Variants in COPS3 observed in about 807,000 individuals in gnomAD.
COPS3 encodes COP9 signalosome subunit 3, also known as COP9 signalosome complex subunit 3.
Under a neutral mutation model 58.2 loss-of-function variants are expected in COPS3, and 10 were observed. That is an observed-to-expected ratio of 0.17 (90% CI 0.11 to 0.29). The LOEUF (loss-of-function observed/expected upper bound fraction) is 0.29. Ranked by LOEUF, COPS3 falls within the 10% of genes least tolerant of loss-of-function variation. The probability of loss-of-function intolerance (pLI) is 1.00; values close to 1 mark genes in which losing one functional copy is unlikely to be tolerated. For missense variants in COPS3, 333 were observed against 510.1 expected (o/e 0.65, Z 3.34); for synonymous variants, 187 against 181.7 (o/e 1.03, Z -0.24).
chr17:17,270,853 G>A, intron 3 of COPS3, 43 bp downstream of exon 3: 1 of 1,604,790 alleles, frequency 6.2e-7, no homozygotes, highest in Non-Finnish European at 8.5e-7. Context: ...TAACCACAAG[G>A]GCAAAATATT....
chr17:17,250,504 G>A (rs899206785), intron 9 of COPS3, among the ~76,000 whole-genome samples: 4 of 151,934 alleles, frequency 2.6e-5, no homozygotes, highest in Non-Finnish European at 4.4e-5. Context: ...AGCCTAACAC[G>A]TTTTCTTTTC....
At chr17:17,247,200 G>T in intron 11 of COPS3, 49 bp from the exon 12 acceptor site, 1 of 1,571,740 alleles carries the variant, frequency 6.4e-7, no homozygotes, top group African/African-American at 1.3e-5. Context: ...TTTATCAAGG[G>T]TTCCCCGGCA....
rs1011946174 is a variant in COPS3, at chr17:17,280,910, AG to A, written c.55+221del. 1.1e-5 allele frequency: 10 copies of A among 899,382 alleles called. No homozygotes were observed. The African/African-American group carries it at 1.5e-4, about 14-fold the overall frequency. The allele number at this position is 899,382 out of a possible 1,614,324, so 55.7% of individuals were successfully genotyped here. On this transcript the variant is annotated intron_variant, in intron 1 of 11. Coordinates refer to ENST00000268717, the MANE Select transcript of COPS3 (RefSeq NM_003653.4). ...GGGGGAGGGGGCTCCCGGCGGCCCG[AG>A]GGAGGGGAGGCCGGCCGGCGAGGAC...
chr17:17,259,602 G>C (rs1454397076), intron 8 of COPS3, among the ~76,000 whole-genome samples: 2 of 152,134 alleles, frequency 1.3e-5, no homozygotes, highest in Non-Finnish European at 2.9e-5. Context: ...TTCACATAAG[G>C]TGTTCTCATT....
At chr17:17,267,635 CA>C (rs553294077) in intron 5 of COPS3, among the ~76,000 whole-genome samples, 239 of 107,138 alleles carry the variant, frequency 2.2e-3, no homozygotes, top group African/African-American at 3.7e-3. Flanking sequence ...GAGACTGTCT[CA>C]AAAAAAAAAA....
chr17:17,262,674 G>A (rs1384244914), intron 6 of COPS3, among the ~76,000 whole-genome samples: 1 of 151,950 alleles, frequency 6.6e-6, no homozygotes, highest in Non-Finnish European at 1.5e-5. Context: ...AGCTTGCAGT[G>A]AGCTGAGATT....
intron 1 of COPS3, among the ~76,000 whole-genome samples, 194 bp downstream of exon 1, chr17:17,280,938 G>T (rs2048571062): frequency 6.6e-6 from 1 of 152,198 alleles, no homozygotes; most frequent in Non-Finnish European, 1.5e-5. Flanking sequence ...GGCGAGGACA[G>T]CGGAGCGCGA....
chr17:17,266,576 A>T (rs2048226228), intron 5 of COPS3, among the ~76,000 whole-genome samples: 1 of 151,964 alleles, frequency 6.6e-6, no homozygotes, highest in African/African-American at 2.4e-5. Context: ...AGGTGGGCGG[A>T]TCGCTTGAAG....
intron 2 of COPS3, among the ~76,000 whole-genome samples, chr17:17,271,851 TATATATAC>T (rs1289896253): frequency 2.8e-5 from 4 of 142,964 alleles, no homozygotes; most frequent in Admixed American, 7.1e-5. Flanking sequence ...TATATATATA[TATATATAC>T]ACACATACAC....
At chr17:17,255,069 A>C (rs2047937628) in intron 8 of COPS3, 124 bp from the exon 9 acceptor site, 1 of 622,268 alleles carries the variant, frequency 1.6e-6, no homozygotes, top group Admixed American at 2.6e-5. Flanking sequence ...TGGGAGGCTG[A>C]GGTGGGCAGA....
chr17:17,254,775 ACTCCAGC>A, intron 9 of COPS3, 77 bp downstream of exon 9: 1 of 809,036 alleles, frequency 1.2e-6, no homozygotes, highest in South Asian at 1.7e-5. Flanking sequence ...GTGCCACTAC[ACTCCAGC>A]CTGGTGACAG....
chr17:17,261,782 G>C, intron 7 of COPS3, 184 bp downstream of exon 7: 1 of 542,118 alleles, frequency 1.8e-6, no homozygotes, highest in East Asian at 3.2e-5. Flanking sequence ...ACGGGTTCCT[G>C]AGAAATATTC....
chr17:17,264,739 A>AT (rs111722797), intron 6 of COPS3, 63 bp downstream of exon 6: 211,905 of 1,452,150 alleles, frequency 0.15, 16,333 homozygotes, highest in South Asian at 0.23. Flanking sequence ...CCACAAACCT[A>AT]TGGGAGCACT....
intron 1 of COPS3, among the ~76,000 whole-genome samples, chr17:17,276,960 G>T (rs749418262): frequency 6.6e-6 from 1 of 152,080 alleles, no homozygotes; most frequent in Non-Finnish European, 1.5e-5. Flanking sequence ...AAGTGCAAAC[G>T]CCTCAGCCTG....
chr17:17,273,193 G>A (rs2048388809), intron 2 of COPS3, among the ~76,000 whole-genome samples: 1 of 152,216 alleles, frequency 6.6e-6, no homozygotes, highest in South Asian at 2.1e-4. Flanking sequence ...TGTGTCCGGA[G>A]CAGAGTTTAG....
In COPS3 at chr17:17,270,325, GA is replaced by G. The variant is rs564766122; in HGVS notation, c.348+432del. On this transcript the variant is annotated intron_variant, in intron 4 of 11. Coordinates refer to ENST00000268717, the MANE Select transcript of COPS3 (RefSeq NM_003653.4). ...AATGGCTCAGAATAAAAGAGGAAGA[GA>G]AAAAAAAAAGAATAAGTGCGGTAAA... Among the ~76,000 whole-genome samples, 37 of 146,830 alleles carry G rather than the reference GA, an allele frequency of 2.5e-4. No individual in the cohort carries two copies. The East Asian group carries it at 3.7e-3, about 15-fold the overall frequency.
At chr17:17,275,110 T>A (rs920048826) in intron 2 of COPS3, among the ~76,000 whole-genome samples, 4 of 149,846 alleles carry the variant, frequency 2.7e-5, no homozygotes, top group African/African-American at 7.3e-5. Context: ...TTTTTTTTTT[T>A]GAGAGAGTCT....
In COPS3 at chr17:17,271,002, C is replaced by T; in HGVS notation, c.192G>A (p.Val64=). Residue 64 remains valine, a synonymous_variant, in exon 3 of 12, where the codon GTG becomes GTA. Coordinates refer to ENST00000268717, the MANE Select transcript of COPS3 (RefSeq NM_003653.4). Reference sequence around the variant, plus strand: ...CAGGAACACTGGGCATAGAAAACTTCACAAACCTAGAATAAGGAGAAAAGA... The same window carrying T: ...CAGGAACACTGGGCATAGAAAACTTTACAAACCTAGAATAAGGAGAAAAGA... ...HSLGVLAVLF[V]KFSMPSVPDF... 1.9e-6 allele frequency: 3 copies of T among 1,611,314 alleles called. No individual in the cohort carries two copies. The highest frequency in any genetic ancestry group is 1.7e-6 in the Non-Finnish European group (2 of 1,177,610).
In COPS3 at chr17:17,254,948, G is replaced by A; in HGVS notation, c.937-3C>T. 6.2e-7 allele frequency: 1 copy of A among 1,606,214 alleles called. No individual in the cohort carries two copies. Among genetic ancestry groups the A allele is most frequent in the Non-Finnish European group, 8.5e-7 (1 of 1,173,602 alleles). On this transcript the variant is annotated splice_region_variant and splice_polypyrimidine_tract_variant and intron_variant, in intron 8 of 11. Coordinates refer to ENST00000268717, the MANE Select transcript of COPS3 (RefSeq NM_003653.4). ...TGTAATGATAGAGTTAAAAAGGTCT[G>A]AAAGTCAGAAGCAGAATTAGTCACA...
Sources: allele counts gnomAD v4.1 joint callset (sites outside exome capture counted in the v4.1 genomes callset), GRCh38; gene constraint gnomAD v4.1.1; transcripts MANE v1.5; gene names NCBI Gene and HGNC (gene_info 2026-07-23, HGNC 2026-07-21).